Variants in LRGUK observed in about 807,000 individuals in gnomAD.
LRGUK encodes leucine rich repeats and guanylate kinase domain containing, also known as leucine-rich repeat and guanylate kinase domain-containing protein.
Under a neutral mutation model 76.0 loss-of-function variants are expected in LRGUK, and 65 were observed. The observed-to-expected ratio is 0.85, with a 90% confidence interval of 0.70 to 1.05. The LOEUF is 1.05. LRGUK is among the 50% of genes least tolerant of loss of function. The pLI is 0.00. For missense variants in LRGUK, 758 were observed against 732.8 expected, an observed-to-expected ratio of 1.03 and a Z score of -0.40; for synonymous variants, 268 against 265.6, an observed-to-expected ratio of 1.01 and a Z score of -0.09.
chr7:134,196,921 A>T, intron 12 of LRGUK, 71 bp from the exon 13 acceptor site: 3 of 806,262 alleles, frequency 3.7e-6, no homozygotes, highest in Non-Finnish European at 2.1e-6. Context: ...TAAGACATCA[A>T]ATGATTTGAG....
chr7:134,188,478 T>C (rs1370656535), intron 11 of LRGUK, among the ~76,000 whole-genome samples: 1 of 152,076 alleles, frequency 6.6e-6, no homozygotes, highest in African/African-American at 2.4e-5. Context: ...GAAGGAAGTC[T>C]GGAGACAAGC....
downstream of LRGUK, among the ~76,000 whole-genome samples, chr7:134,265,520 A>T (rs1222013729): frequency 6.6e-6 from 1 of 152,232 alleles, no homozygotes; most frequent in African/African-American, 2.4e-5. Context: ...GCGAAAGCCC[A>T]CTCTCTCCAG....
intron 16 of LRGUK, among the ~76,000 whole-genome samples, chr7:134,231,777 T>TTCTCCCTCTCTTCCTCCCTTCCTTCCTC (rs1801905139): frequency 7.6e-6 from 1 of 131,376 alleles, no homozygotes. Context: ...CCTTCCTCCG[T>TTCTCCCTCTCTTCCTCCCTTCCTTCCTC]CCGTCCCTCC....
At chr7:134,153,212 AT>A (rs760572473) in intron 5 of LRGUK, among the ~76,000 whole-genome samples, 4 of 151,998 alleles carry the variant, frequency 2.6e-5, no homozygotes, top group East Asian at 1.9e-4. Flanking sequence ...ATTATTTAAA[AT>A]TAAAAAAATC....
rs553736854 is a variant in LRGUK, at chr7:134,191,900, A to G, written c.1431+149A>G. On this transcript the variant is annotated intron_variant, in intron 12 of 15. Coordinates refer to ENST00000645682, the Ensembl canonical transcript of LRGUK. Reference sequence around the variant, plus strand: ...TTTTATGGGGTTTTTTTTTTTTCTTAAAGTGCTTAATACGTCATTCTTCAC... The same window carrying G: ...TTTTATGGGGTTTTTTTTTTTTCTTGAAGTGCTTAATACGTCATTCTTCAC... 216 of 547,522 alleles carry G rather than the reference A, an allele frequency of 3.9e-4. 1 individual carries two copies. Among genetic ancestry groups the G allele is most frequent in the Non-Finnish European group, 6.3e-4 (198 of 314,918 alleles). 33.9% of individuals were successfully genotyped at this position (547,522 alleles called of 1,614,324 possible).
chr7:134,136,357 G>A (rs1040451491), intron 1 of LRGUK, among the ~76,000 whole-genome samples: 1 of 152,160 alleles, frequency 6.6e-6, no homozygotes, highest in Non-Finnish European at 1.5e-5. Flanking sequence ...TATAAATCTA[G>A]CAACATTGAC....
chr7:134,201,941 G>A (rs1800789653), intron 15 of LRGUK, among the ~76,000 whole-genome samples: 1 of 152,138 alleles, frequency 6.6e-6, no homozygotes. Context: ...TTTAGTCTGA[G>A]AGTTTTCTTT....
At chr7:134,276,570 TG>T in the LRGUK span, among the ~76,000 whole-genome samples, 1 of 152,140 alleles carries the variant, frequency 6.6e-6, no homozygotes, top group East Asian at 1.9e-4. Context: ...CTCAATTCTC[TG>T]GGGCTGCATC....
rs3030440 is a variant in LRGUK at position 134,180,290 on chromosome 7, GTCCATCCATCCATCCA to G, written c.1214+1714_1214+1729del. On this transcript the variant is annotated intron_variant, in intron 10 of 15. Coordinates refer to ENST00000645682, the Ensembl canonical transcript of LRGUK. ...TGTAACTCTTTTCATCAATTCCTCT[GTCCATCCATCCATCCA>G]TCCATCCATCCATCCATCCATCCAT... Among the ~76,000 whole-genome samples, 361 of 149,900 alleles carry G rather than the reference GTCCATCCATCCATCCA, an allele frequency of 2.4e-3. 2 individuals are homozygous for G. Among genetic ancestry groups the G allele is most frequent in the African/African-American group, 7.8e-3 (319 of 40,692 alleles).
At chr7:134,134,611 G>A (rs1286683967) in intron 1 of LRGUK, among the ~76,000 whole-genome samples, 1 of 152,190 alleles carries the variant, frequency 6.6e-6, no homozygotes, top group Non-Finnish European at 1.5e-5. Flanking sequence ...GCATCCACCT[G>A]CTCTAAGTGA....
intron 7 of LRGUK, among the ~76,000 whole-genome samples, chr7:134,171,832 T>G (rs1309461828): frequency 3.9e-5 from 6 of 152,306 alleles, no homozygotes; most frequent in Admixed American, 3.9e-4. Context: ...TTGTGGCCTT[T>G]GCAGAGAAAA....
At chr7:134,241,128 G>A (rs887463948) in intron 16 of LRGUK, among the ~76,000 whole-genome samples, 4 of 152,138 alleles carry the variant, frequency 2.6e-5, no homozygotes, top group Admixed American at 6.6e-5. Context: ...TCGATGCTAG[G>A]AAGAAACTGC....
chr7:134,223,205 G>C (rs898311361), intron 16 of LRGUK, among the ~76,000 whole-genome samples: 1 of 152,054 alleles, frequency 6.6e-6, no homozygotes, highest in South Asian at 2.1e-4. Flanking sequence ...ACTCTCATGC[G>C]CCATCCAGCC....
intron 2 of LRGUK, among the ~76,000 whole-genome samples, chr7:134,138,336 T>C (rs1024682389): frequency 2.0e-5 from 3 of 152,208 alleles, no homozygotes; most frequent in Non-Finnish European, 4.4e-5. Flanking sequence ...ATATTACACG[T>C]TGAATTACTT....
At chr7:134,132,188 G>T (rs1189612254) in intron 1 of LRGUK, among the ~76,000 whole-genome samples, 1 of 151,880 alleles carries the variant, frequency 6.6e-6, no homozygotes, top group Non-Finnish European at 1.5e-5. Flanking sequence ...CTCTATAAAA[G>T]AATTTTTAAA....
At chr7:134,197,740 T>C (rs1484423099) in intron 13 of LRGUK, among the ~76,000 whole-genome samples, 1 of 152,176 alleles carries the variant, frequency 6.6e-6, no homozygotes, top group Non-Finnish European at 1.5e-5. Context: ...CCAACAATGA[T>C]CTATAATTAG....
At chr7:134,128,423 G>C (rs73454623) in intron 1 of LRGUK, among the ~76,000 whole-genome samples, 7,772 of 152,160 alleles carry the variant, frequency 0.051, 572 homozygotes, top group African/African-American at 0.16. Flanking sequence ...TGCTTATTAT[G>C]GTCCTTTTCC....
At chr7:134,137,527 T>C (rs1226068641) in intron 2 of LRGUK, among the ~76,000 whole-genome samples, 1 of 152,154 alleles carries the variant, frequency 6.6e-6, no homozygotes, top group Non-Finnish European at 1.5e-5. Flanking sequence ...TATTTTGATA[T>C]TGACTTTCCC....
intron 10 of LRGUK, among the ~76,000 whole-genome samples, chr7:134,179,693 G>A (rs1011911810): frequency 2.0e-5 from 3 of 152,156 alleles, no homozygotes; most frequent in Non-Finnish European, 4.4e-5. Context: ...ATATATCAAG[G>A]AAATTTGCAG....
Sources: allele counts gnomAD v4.1 joint callset (sites outside exome capture counted in the v4.1 genomes callset), GRCh38; gene constraint gnomAD v4.1.1; transcripts MANE v1.5; gene names NCBI Gene and HGNC (gene_info 2026-07-23, HGNC 2026-07-21).